CBLN2: variants seen among roughly 807,000 people sequenced by gnomAD.
CBLN2 encodes cerebellin-2.
CBLN2 carries 7 observed loss-of-function variants against 15.0 expected under a neutral mutation model. The observed-to-expected ratio is 0.47, with a 90% confidence interval of 0.27 to 0.88. The LOEUF is 0.88. Among genes scored for constraint, CBLN2 ranks in the 40% least tolerant of loss-of-function variants. The pLI is 0.14. For synonymous variants in CBLN2, 149 were observed against 135.2 expected (o/e 1.10, Z -0.71); for missense variants, 242 against 304.5 (o/e 0.79, Z 1.53).
At chr18:72,613,724 C>T (rs1311123027) in intron 1 of CBLN2, among the ~76,000 whole-genome samples, 1 of 152,148 alleles carries the variant, frequency 6.6e-6, no homozygotes, top group Admixed American at 6.6e-5. Flanking sequence ...AACAGTATCT[C>T]TACATGAGGC....
rs2069136769 is a variant in CBLN2 at position 72,543,784 on chromosome 18, C to T, written c.-212+193G>A. Among the ~76,000 whole-genome samples the T allele has an allele frequency of 6.6e-6, 1 of 151,912 alleles. No homozygotes were observed. The highest frequency in any genetic ancestry group is 1.9e-4 in the East Asian group (1 of 5,140). ...TGCCTCCAACCCCTGGGCTTCGCGC[C>T]CGCACCGCTGCCTGGGGCCCCTCGA... On this transcript the variant is annotated intron_variant, in intron 1 of 4. Transcript: ENST00000269503. The surrounding 1 kb of genome is among the most constrained non-coding windows in gnomAD (Gnocchi z 6.8).
At chr18:72,606,567 C>G (rs1259888907) in intron 1 of CBLN2, among the ~76,000 whole-genome samples, 1 of 152,168 alleles carries the variant, frequency 6.6e-6, no homozygotes, top group Non-Finnish European at 1.5e-5. Flanking sequence ...AGTGTAAAAT[C>G]TAAAATCTCT....
At chr18:72,570,181 C>G (rs903181206) in intron 1 of CBLN2, among the ~76,000 whole-genome samples, 5 of 151,982 alleles carry the variant, frequency 3.3e-5, no homozygotes, top group Non-Finnish European at 7.4e-5. Flanking sequence ...GATACTTAAC[C>G]TTATATGTGT....
chr18:72,583,175 A>T (rs2069417656), intron 1 of CBLN2, among the ~76,000 whole-genome samples: 1 of 152,188 alleles, frequency 6.6e-6, no homozygotes, highest in South Asian at 2.1e-4. Context: ...CTGGCAGGCA[A>T]GTTTCTCCTT....
chr18:72,577,074 A>G (rs2069372861), intron 1 of CBLN2, among the ~76,000 whole-genome samples: 1 of 148,550 alleles, frequency 6.7e-6, no homozygotes, highest in Admixed American at 6.7e-5. Flanking sequence ...TTAGAATTAT[A>G]AAAAGGATTC....
At chr18:72,546,017 CTT>C (rs753843066), upstream of CBLN2, among the ~76,000 whole-genome samples, 1 of 152,126 alleles carries the variant, frequency 6.6e-6, no homozygotes, top group Non-Finnish European at 1.5e-5. Flanking sequence ...TATAAGCATT[CTT>C]ATATAATAAA....
In CBLN2 at chr18:72,542,005, C is replaced by T. The variant is rs1260763427; in HGVS notation, c.156G>A (p.Gln52=). 1.9e-6 allele frequency: 3 copies of T among 1,601,732 alleles called. No homozygotes were observed. The highest frequency in any genetic ancestry group is 2.2e-5 in the South Asian group (2 of 90,140). The part of the protein sequence containing the change: ...LLPACCPVRA[Q]NDTEPIVLEG... ...CCAGCACGATGGGCTCCGTGTCGTT[C>T]TGCGCCCGCACGGGGCAGCAGGCGG... Residue 52 remains glutamine (Q), a synonymous_variant, in exon 3 of 5, where the codon CAG becomes CAA. Transcript: ENST00000269503.
intron 1 of CBLN2, among the ~76,000 whole-genome samples, chr18:72,625,818 C>CTCTATATATA (rs1469005975): frequency 8.7e-5 from 5 of 57,398 alleles, no homozygotes; most frequent in African/African-American, 1.3e-4. Flanking sequence ...CTCTCTCTCT[C>CTCTATATATA]TATATATATA....
intron 1 of CBLN2, among the ~76,000 whole-genome samples, chr18:72,623,995 G>GC (rs764443584): frequency 6.6e-6 from 1 of 152,116 alleles, no homozygotes; most frequent in Non-Finnish European, 1.5e-5. Context: ...AGAGGTTTCT[G>GC]CAAACCAGTT....
chr18:72,621,055 C>T (rs1426173077), intron 1 of CBLN2, among the ~76,000 whole-genome samples: 1 of 152,108 alleles, frequency 6.6e-6, no homozygotes, highest in African/African-American at 2.4e-5. Context: ...AAACTGTATG[C>T]TGGATTGGAA....
intron 1 of CBLN2, among the ~76,000 whole-genome samples, chr18:72,620,019 C>T (rs559087594): frequency 1.1e-4 from 17 of 152,318 alleles, no homozygotes; most frequent in East Asian, 3.9e-4. Flanking sequence ...AGCAAGTAAG[C>T]GACCCAGCTG....
chr18:72,542,150 G>A lies in CBLN2; in HGVS notation c.11C>T (p.Pro4Leu). 2 of 1,312,466 alleles carry A rather than the reference G, an allele frequency of 1.5e-6. No individual in the cohort carries two copies. The highest frequency in any genetic ancestry group is 2.2e-5 in the South Asian group (1 of 45,576). 81.3% of individuals were successfully genotyped at this position (1,312,466 alleles called of 1,614,324 possible). A position where few individuals can be genotyped will look rare whatever the true frequency, so the allele number is the denominator to read the frequency against. Reference sequence around the variant, plus strand: ...CCGCAGCCCGAGTGGCCCCCGGCCGGGCGCCTGCATCGGGACTGGTGGGAG... The same window carrying A: ...CCGCAGCCCGAGTGGCCCCCGGCCGAGCGCCTGCATCGGGACTGGTGGGAG... The part of the protein sequence containing the change: MQA[P>L]GRGPLGLRLM... Residue 4 changes from proline (P) to leucine (L), a missense_variant, in exon 3 of 5, where the codon CCC becomes CTC. Coordinates refer to ENST00000269503, the MANE Select transcript of CBLN2 (RefSeq NM_182511.4).
chr18:72,618,260 T>C (rs1019818516), intron 1 of CBLN2: 1 of 314,894 alleles, frequency 3.2e-6, no homozygotes, highest in African/African-American at 2.1e-5. Flanking sequence ...CTCTTTCCCC[T>C]GCTGTCATGT....
intron 1 of CBLN2, chr18:72,620,132 T>C (rs2069690367): frequency 2.0e-5 from 3 of 152,344 alleles, no homozygotes; most frequent in African/African-American, 7.2e-5. Context: ...GCCACAATGC[T>C]CTTTCAGCTC....
chr18:72,567,924 T>C (rs1444317672), intron 1 of CBLN2, among the ~76,000 whole-genome samples: 1 of 152,228 alleles, frequency 6.6e-6, no homozygotes, highest in Non-Finnish European at 1.5e-5. Flanking sequence ...AAGCAATAAT[T>C]TTCCATTAGA....
intron 1 of CBLN2, among the ~76,000 whole-genome samples, chr18:72,623,506 T>A (rs1407455686): frequency 2.0e-5 from 3 of 152,162 alleles, no homozygotes; most frequent in African/African-American, 7.2e-5. Context: ...AAAACCGAGC[T>A]GTCCGTATCC....
At chr18:72,607,294 G>A (rs939825327) in intron 1 of CBLN2, among the ~76,000 whole-genome samples, 2 of 152,104 alleles carry the variant, frequency 1.3e-5, no homozygotes, top group African/African-American at 4.8e-5. Flanking sequence ...ACTTTGTTAA[G>A]CCATCCTTAG....
intron 1 of CBLN2, among the ~76,000 whole-genome samples, chr18:72,596,221 A>G (rs2069512625): frequency 6.6e-6 from 1 of 152,038 alleles, no homozygotes; most frequent in Non-Finnish European, 1.5e-5. Flanking sequence ...GCTTGCAAAT[A>G]ATATTTTATT....
intron 1 of CBLN2, among the ~76,000 whole-genome samples, chr18:72,594,313 C>T (rs1281393729): frequency 2.0e-5 from 3 of 152,028 alleles, no homozygotes; most frequent in African/African-American, 7.2e-5. Flanking sequence ...CAAATCATAC[C>T]TGCATACCTA....
Sources: gnomAD v4.1 joint callset for allele counts (sites outside exome capture counted in the v4.1 genomes callset) on GRCh38, gnomAD v4.1.1 for gene constraint, Gnocchi (gnomAD v3.1) non-coding constraint, MANE v1.5 for transcripts, NCBI Gene and HGNC (gene_info 2026-07-23, HGNC 2026-07-21) for gene names.